Variants in AGBL1 observed in about 807,000 individuals in gnomAD.
AGBL1 encodes cytosolic carboxypeptidase 4.
AGBL1 carries 130 observed loss-of-function variants against 118.9 expected under a neutral mutation model. That is an observed-to-expected ratio of 1.09 (90% confidence interval 0.95 to 1.26). The LOEUF (loss-of-function observed/expected upper bound fraction) is 1.26, where lower values mean the gene tolerates loss of function less well. AGBL1 is among the 50% of genes most tolerant of loss of function. AGBL1 has a pLI of 0.00. For missense variants in AGBL1, 1,584 were observed against 1,298.1 expected, an observed-to-expected ratio of 1.22 and a Z score of -3.38; for synonymous variants, 555 against 478.9, an observed-to-expected ratio of 1.16 and a Z score of -2.08.
At chr15:86,452,574 C>T (rs931563307) in intron 18 of AGBL1, among the ~76,000 whole-genome samples, 1 of 152,018 alleles carries the variant, frequency 6.6e-6, no homozygotes, top group African/African-American at 2.4e-5. Context: ...GCAAACTTTA[C>T]CTATCCTATT....
chr15:86,548,484 T>C (rs546879128), intron 20 of AGBL1, among the ~76,000 whole-genome samples: 114 of 152,230 alleles, frequency 7.5e-4, no homozygotes, highest in African/African-American at 2.7e-3. Flanking sequence ...CTCTGTAAAT[T>C]GACCAAATAC....
intron 5 of AGBL1, among the ~76,000 whole-genome samples, chr15:86,210,086 C>T (rs2078065719): frequency 6.6e-6 from 1 of 152,116 alleles, no homozygotes; most frequent in African/African-American, 2.4e-5. Flanking sequence ...CTTAGTTTGG[C>T]CGGATATGAA....
chr15:86,832,245 T>C (rs1567197331), intron 22 of AGBL1, among the ~76,000 whole-genome samples: 2 of 152,228 alleles, frequency 1.3e-5, no homozygotes, highest in Non-Finnish European at 2.9e-5. Context: ...ATTGTTTTGG[T>C]GATTAACATT....
chr15:86,894,558 A>G (rs2080095960), intron 22 of AGBL1, among the ~76,000 whole-genome samples: 1 of 152,114 alleles, frequency 6.6e-6, no homozygotes, highest in African/African-American at 2.4e-5. Flanking sequence ...AGGCTAACTT[A>G]AGTGTGAGGC....
At chr15:86,449,837 C>T (rs898134070) in intron 18 of AGBL1, among the ~76,000 whole-genome samples, 3 of 152,168 alleles carry the variant, frequency 2.0e-5, no homozygotes, top group African/African-American at 7.2e-5. Flanking sequence ...CCAATCCTTC[C>T]ACCCAGGAGA....
At chr15:86,978,127 A>G (rs2081193262) in intron 23 of AGBL1, among the ~76,000 whole-genome samples, 1 of 152,220 alleles carries the variant, frequency 6.6e-6, no homozygotes, top group East Asian at 1.9e-4. Flanking sequence ...CCAAATTCAC[A>G]GACTACTACC....
intron 5 of AGBL1, among the ~76,000 whole-genome samples, chr15:86,164,790 T>C (rs1034077007): frequency 1.3e-5 from 2 of 152,142 alleles, no homozygotes; most frequent in African/African-American, 4.8e-5. Context: ...TTGAAGCCCA[T>C]TGTATTCTCT....
chr15:86,257,090 G>A lies in AGBL1; in HGVS notation c.901+72G>A, dbSNP rs977582312. On this transcript the variant is annotated intron_variant, in intron 8 of 22. Coordinates refer to ENST00000614907, the MANE Select transcript of AGBL1 (RefSeq NM_001386094.1). ...TTGACCATGTTTCCCAGGAACATGG[G>A]TGAAAATAGAATTCGTTATTTTATA... 1.2e-5 allele frequency: 18 copies of A among 1,448,454 alleles called. No homozygotes were observed. In the African/African-American group the frequency reaches 2.0e-4, roughly 16 times the overall value. The allele number at this position is 1,448,454 out of a possible 1,614,324, so 89.7% of individuals were successfully genotyped here.
intron 24 of AGBL1, among the ~76,000 whole-genome samples, chr15:87,012,098 T>G (rs1451870901): frequency 6.6e-6 from 1 of 152,028 alleles, no homozygotes; most frequent in African/African-American, 2.4e-5. Context: ...ATATAAATGC[T>G]GAGAAGGAGA....
At chr15:86,243,503 A>C (rs192373336) in intron 6 of AGBL1, among the ~76,000 whole-genome samples, 175 of 152,314 alleles carry the variant, frequency 1.1e-3, no homozygotes, top group African/African-American at 4.1e-3. Flanking sequence ...GACAGAGATA[A>C]ATCTCCTGTT....
At chr15:86,905,468 C>G (rs888481027) in intron 22 of AGBL1, among the ~76,000 whole-genome samples, 1 of 152,118 alleles carries the variant, frequency 6.6e-6, no homozygotes, top group Admixed American at 6.5e-5. Context: ...TGCAGTAACC[C>G]AGGTGTGAAG....
intron 24 of AGBL1, among the ~76,000 whole-genome samples, chr15:87,001,957 T>C (rs2081443351): frequency 6.6e-6 from 1 of 152,134 alleles, no homozygotes; most frequent in Non-Finnish European, 1.5e-5. Context: ...TAGTTTCTTT[T>C]GCTGTGCAGA....
At chr15:86,381,861 A>G (rs1436420482) in intron 17 of AGBL1, among the ~76,000 whole-genome samples, 1 of 152,162 alleles carries the variant, frequency 6.6e-6, no homozygotes, top group Non-Finnish European at 1.5e-5. Flanking sequence ...ACATCTCCCC[A>G]TTGGGAAGGC....
chr15:86,193,994 C>A (rs2141835608), intron 5 of AGBL1, among the ~76,000 whole-genome samples: 1 of 152,292 alleles, frequency 6.6e-6, no homozygotes, highest in Non-Finnish European at 1.5e-5. Flanking sequence ...AGGCATGAGG[C>A]AGAATCTTTG....
At chr15:86,183,410 T>C (rs1597506448) in intron 5 of AGBL1, among the ~76,000 whole-genome samples, 1 of 152,156 alleles carries the variant, frequency 6.6e-6, no homozygotes, top group Admixed American at 6.5e-5. Flanking sequence ...GAGTCCAAAA[T>C]AGATGATTTC....
chr15:86,378,419 G>A (rs1051242431), intron 17 of AGBL1, among the ~76,000 whole-genome samples: 3 of 151,902 alleles, frequency 2.0e-5, no homozygotes, highest in East Asian at 1.9e-4. Context: ...TCTTTTGGGG[G>A]TCTGTCTCCA....
At position 86,331,235 on chromosome 15, in the gene AGBL1, A is replaced by C. The variant is rs566618984; in HGVS notation, c.2374+35827A>C. On this transcript the variant is annotated intron_variant, in intron 17 of 22. Transcript: ENST00000614907. The stretch of plus-strand genomic sequence containing the variant: ...TGAGACTCCATCTCAAAAAAAAAAA[A>C]AAAAAAACAAAGTCTGAGAAATATG... Among the ~76,000 whole-genome samples the C allele has an allele frequency of 2.0e-3, 304 of 151,924 alleles. 3 individuals are homozygous for C. The highest frequency in any genetic ancestry group is 7.0e-3 in the African/African-American group (291 of 41,464).
chr15:86,825,908 G>C (rs1448869862), intron 22 of AGBL1, among the ~76,000 whole-genome samples: 1 of 96,102 alleles, frequency 1.0e-5, no homozygotes, highest in Non-Finnish European at 2.1e-5. Context: ...TAGATAGATA[G>C]ATAGATAGAT....
intron 21 of AGBL1, among the ~76,000 whole-genome samples, chr15:86,653,789 G>T (rs1410254095): frequency 6.6e-6 from 1 of 152,042 alleles, no homozygotes; most frequent in East Asian, 1.9e-4. Flanking sequence ...TAGCTGCAGA[G>T]AAATAAACAC....
Sources: gnomAD v4.1 joint callset for allele counts (sites outside exome capture counted in the v4.1 genomes callset) on GRCh38, gnomAD v4.1.1 for gene constraint, MANE v1.5 for transcripts, NCBI Gene and HGNC (gene_info 2026-07-23, HGNC 2026-07-21) for gene names.